MS4A4E: variants seen among roughly 807,000 people sequenced by gnomAD.
The protein encoded by MS4A4E is membrane spanning 4-domains A4E, also known as putative membrane-spanning 4-domains subfamily A member 4E.
A neutral mutation model predicts 13.3 loss-of-function variants in MS4A4E; 23 were observed. That is an observed-to-expected ratio of 1.73 (90% CI 1.25 to 2.45). The LOEUF is 2.45. Among genes scored for constraint, MS4A4E ranks in the 30% most tolerant of loss-of-function variants. The pLI, the probability that MS4A4E is intolerant of heterozygous loss-of-function variation, is 0.00. For synonymous variants in MS4A4E, 36 were observed against 45.6 expected, an observed-to-expected ratio of 0.79 and a Z score of 0.85; for missense variants, 144 against 131.2, an observed-to-expected ratio of 1.10 and a Z score of -0.48.
At chr11:60,225,230 T>G in intron 3 of MS4A4E, 1 of 773,664 alleles carries the variant, frequency 1.3e-6, no homozygotes, top group Non-Finnish European at 1.9e-6. Flanking sequence ...TTGTCACTCT[T>G]TTTTTCACAT....
At chr11:60,227,054 T>C (rs1460498902) in intron 3 of MS4A4E, among the ~76,000 whole-genome samples, 1 of 152,180 alleles carries the variant, frequency 6.6e-6, no homozygotes, top group East Asian at 1.9e-4. Flanking sequence ...AAAAATTAAA[T>C]ATTTAGGTAT....
At chr11:60,227,545 C>CA (rs1472062345) in intron 3 of MS4A4E, among the ~76,000 whole-genome samples, 3 of 151,498 alleles carry the variant, frequency 2.0e-5, no homozygotes, top group Non-Finnish European at 4.4e-5. Flanking sequence ...CGCCAGACTC[C>CA]ATCTCAAAAT....
rs920320284 is a variant in MS4A4E at position 60,200,575 on chromosome 11, C to G, written c.*968G>C. The stretch of plus-strand genomic sequence containing the variant: ...TAATCCATTTAACCCTGAGTGGACA[C>G]AGCACATGTTTCAGAGAGCACAGGG... On this transcript the variant is annotated 3_prime_UTR_variant, in exon 9 of 9. Coordinates refer to ENST00000651255, the MANE Select transcript of MS4A4E (RefSeq NM_001393391.1). 7.2e-5 allele frequency among the ~76,000 whole-genome samples: 11 copies of G among 152,268 alleles called. No individual in the cohort carries two copies. The highest frequency in any genetic ancestry group is 2.6e-4 in the Admixed American group (4 of 15,306).
In MS4A4E at chr11:60,205,179, C is replaced by T. The variant is rs999368648; in HGVS notation, c.591-221G>A. The stretch of plus-strand genomic sequence containing the variant: ...CTCAAAAAGAACTTTCCTGGTTACT[C>T]TCTAATGACTCATATTTCACAACCA... On this transcript the variant is annotated intron_variant, in intron 7 of 8. Coordinates refer to ENST00000651255, the MANE Select transcript of MS4A4E (RefSeq NM_001393391.1). Among the ~76,000 whole-genome samples, 4 of 152,160 alleles carry T rather than the reference C, an allele frequency of 2.6e-5. No homozygotes were observed. In the South Asian group the frequency reaches 8.3e-4, roughly 32 times the overall value.
chr11:60,222,042 C>G (rs2084276278), intron 3 of MS4A4E, among the ~76,000 whole-genome samples: 1 of 152,180 alleles, frequency 6.6e-6, no homozygotes, highest in African/African-American at 2.4e-5. Flanking sequence ...ATGGCCACTG[C>G]TGAGCACCTA....
chr11:60,229,445 A>G (rs1451528659), intron 2 of MS4A4E, among the ~76,000 whole-genome samples: 1 of 152,178 alleles, frequency 6.6e-6, no homozygotes, highest in East Asian at 1.9e-4. Flanking sequence ...TTTTAATTCT[A>G]TATTGTTTTT....
At chr11:60,239,559 G>A (rs1241248705) in intron 1 of MS4A4E, among the ~76,000 whole-genome samples, 1 of 152,108 alleles carries the variant, frequency 6.6e-6, no homozygotes, top group East Asian at 1.9e-4. Context: ...TGTTGTCAGA[G>A]GTTGACTCTT....
At chr11:60,211,411 A>T (rs1054846065) in intron 5 of MS4A4E, among the ~76,000 whole-genome samples, 2 of 152,312 alleles carry the variant, frequency 1.3e-5, no homozygotes, top group South Asian at 4.1e-4. Flanking sequence ...AGCCCTCAAG[A>T]CTATGTGGGA....
intron 3 of MS4A4E, among the ~76,000 whole-genome samples, chr11:60,223,098 A>G (rs971630234): frequency 6.6e-6 from 1 of 152,180 alleles, no homozygotes; most frequent in Non-Finnish European, 1.5e-5. Flanking sequence ...GGCAAAGGGA[A>G]TACAGAATCG....
At chr11:60,208,751 T>C (rs1374294518) in intron 5 of MS4A4E, 57 bp from the exon 6 acceptor site, 4 of 741,048 alleles carry the variant, frequency 5.4e-6, no homozygotes, top group Non-Finnish European at 6.3e-6. Context: ...AGTGAAAACA[T>C]TTCCCAGCAA....
intron 2 of MS4A4E, 21 bp from the exon 3 acceptor site, chr11:60,228,648 C>A: frequency 1.4e-6 from 1 of 695,388 alleles, no homozygotes; most frequent in Non-Finnish European, 2.6e-6. Context: ...ATATTTATAG[C>A]AACGTTACTC....
At chr11:60,206,433 GA>G (rs1008528045) in intron 6 of MS4A4E, among the ~76,000 whole-genome samples, 11 of 136,510 alleles carry the variant, frequency 8.1e-5, no homozygotes, top group Non-Finnish European at 1.6e-4. Flanking sequence ...AGTTCCAGGG[GA>G]AAAAATGAGA....
chr11:60,230,935 T>C (rs2084402835), intron 1 of MS4A4E, among the ~76,000 whole-genome samples: 1 of 152,012 alleles, frequency 6.6e-6, no homozygotes, highest in Admixed American at 6.5e-5. Flanking sequence ...GCATATATGC[T>C]AAAAACTGTC....
At chr11:60,214,466 CCTGA>C (rs2084164495) in intron 4 of MS4A4E, 101 bp downstream of exon 4, 2 of 725,812 alleles carry the variant, frequency 2.8e-6, no homozygotes, top group Middle Eastern at 2.4e-4. Flanking sequence ...CATAGTTGCT[CCTGA>C]CTTTTTTAAA....
chr11:60,234,170 A>G (rs934221279), intron 1 of MS4A4E, among the ~76,000 whole-genome samples: 1 of 152,208 alleles, frequency 6.6e-6, no homozygotes, highest in South Asian at 2.1e-4. Context: ...TCACAGCTGG[A>G]AACATTTGCC....
chr11:60,235,381 C>A (rs1363564084), intron 1 of MS4A4E, among the ~76,000 whole-genome samples: 1 of 152,220 alleles, frequency 6.6e-6, no homozygotes, highest in African/African-American at 2.4e-5. Context: ...GTGTGAGCCA[C>A]AGTGACTGAT....
In MS4A4E at chr11:60,200,962, T is replaced by C. The variant is rs1293580399; in HGVS notation, c.*581A>G. Among the ~76,000 whole-genome samples, 15 of 108,288 alleles carry C rather than the reference T, an allele frequency of 1.4e-4. No homozygotes were observed. Among genetic ancestry groups the C allele is most frequent in the African/African-American group, 2.2e-4 (6 of 27,396 alleles). 71.0% of individuals were successfully genotyped at this position (108,288 alleles called of 152,430 possible). A position where few individuals can be genotyped will look rare whatever the true frequency, so the allele number is the denominator to read the frequency against. ...CTCCCGGACGGGGCGGCTGGCCGGG[T>C]GGGGGGCTGAACCCCCCACCTCCCT... is the stretch of plus-strand genomic sequence containing the variant. On this transcript the variant is annotated 3_prime_UTR_variant, in exon 9 of 9. Transcript: ENST00000651255.
At chr11:60,217,523 G>A (rs1046346963) in intron 3 of MS4A4E, among the ~76,000 whole-genome samples, 4 of 152,236 alleles carry the variant, frequency 2.6e-5, no homozygotes, top group East Asian at 1.9e-4. Context: ...TAAACCCTGC[G>A]CTGCCTAATG....
intron 2 of MS4A4E, 102 bp from the exon 3 acceptor site, chr11:60,228,729 T>G: frequency 1.8e-6 from 1 of 562,362 alleles, no homozygotes; most frequent in East Asian, 3.0e-5. Flanking sequence ...CTGTGGTACC[T>G]CTAGACAATG....
Sources: allele counts gnomAD v4.1 joint callset (sites outside exome capture counted in the v4.1 genomes callset), GRCh38; gene constraint gnomAD v4.1.1; transcripts MANE v1.5; gene names NCBI Gene and HGNC (gene_info 2026-07-23, HGNC 2026-07-21).